The following ZBTB20 variants were observed in gnomAD, a reference collection of about 807,000 sequenced individuals.
The protein encoded by ZBTB20 is zinc finger and BTB domain-containing protein 20.
A neutral mutation model predicts 56.9 loss-of-function variants in ZBTB20; 9 were observed. The ratio of observed to expected loss-of-function variants is 0.16; its 90% confidence interval spans 0.10 to 0.28. ZBTB20 has a LOEUF of 0.28. ZBTB20 is among the 10% of genes least tolerant of loss of function. ZBTB20 has a pLI of 1.00. For synonymous variants in ZBTB20, 417 were observed against 420.7 expected (o/e 0.99, Z 0.11); for missense variants, 655 against 1,003.0 (o/e 0.65, Z 4.69).
chr3:114,727,001 T>C (rs959299045), intron 5 of ZBTB20, among the ~76,000 whole-genome samples: 1 of 147,374 alleles, frequency 6.8e-6, no homozygotes. Context: ...GTTGGACGAC[T>C]ATTTCCTAAA....
At chr3:115,030,468 T>C (rs1425078408) in intron 2 of ZBTB20, among the ~76,000 whole-genome samples, 1 of 151,292 alleles carries the variant, frequency 6.6e-6, no homozygotes, top group Non-Finnish European at 1.5e-5. Flanking sequence ...ATTTTACCTC[T>C]TTCTGCATGC....
In ZBTB20 at chr3:114,538,907, C is replaced by T. The variant is rs535691260; in HGVS notation, c.-294-38516G>A. ...AGTAGCTCCATGACTTGAGCACATG[C>T]CAATGAGATTAGAACTCATCGGGGG... is the stretch of plus-strand genomic sequence containing the variant. On this transcript the variant is annotated intron_variant, in intron 6 of 11. Coordinates refer to ENST00000675478, the MANE Select transcript of ZBTB20 (RefSeq NM_001348800.3). 6.6e-5 allele frequency among the ~76,000 whole-genome samples: 10 copies of T among 152,258 alleles called. No individual in the cohort carries two copies. The East Asian group carries it at 1.9e-3, about 29-fold the overall frequency.
At chr3:114,958,836 G>GT (rs1301515681) in intron 3 of ZBTB20, among the ~76,000 whole-genome samples, 6 of 150,466 alleles carry the variant, frequency 4.0e-5, no homozygotes, top group African/African-American at 1.5e-4. Context: ...GGCCAATAGA[G>GT]TGAGAGTCTG....
chr3:115,121,759 C>T (rs954316916), intron 1 of ZBTB20, among the ~76,000 whole-genome samples: 2 of 151,916 alleles, frequency 1.3e-5, no homozygotes, highest in Non-Finnish European at 2.9e-5. Flanking sequence ...TTCATATAAT[C>T]GCTAACTTAC....
chr3:115,107,112 T>C (rs925180301), intron 1 of ZBTB20, among the ~76,000 whole-genome samples: 3 of 152,232 alleles, frequency 2.0e-5, no homozygotes, highest in Admixed American at 1.3e-4. Context: ...TTGCTGTATG[T>C]TTGAAAGAAT....
At chr3:114,796,383 T>C (rs1256820056) in intron 5 of ZBTB20, among the ~76,000 whole-genome samples, 1 of 151,920 alleles carries the variant, frequency 6.6e-6, no homozygotes, top group African/African-American at 2.4e-5. Context: ...AACTAAGAAA[T>C]GGGATCAGAG....
At chr3:114,466,956 C>A (rs891675208) in intron 7 of ZBTB20, among the ~76,000 whole-genome samples, 21 of 152,152 alleles carry the variant, frequency 1.4e-4, no homozygotes, top group Admixed American at 1.3e-4. Flanking sequence ...CAGCGGTGGA[C>A]ACTGACAAAG....
chr3:114,362,090 G>A (rs1169684166), intron 10 of ZBTB20, among the ~76,000 whole-genome samples: 2 of 152,138 alleles, frequency 1.3e-5, no homozygotes, highest in Admixed American at 6.5e-5. Flanking sequence ...TATTTCTTGC[G>A]AATTTGGTGA....
intron 4 of ZBTB20, among the ~76,000 whole-genome samples, chr3:114,828,837 A>G (rs926116923): frequency 6.6e-6 from 1 of 151,894 alleles, no homozygotes; most frequent in African/African-American, 2.4e-5. Context: ...TCCTTAATTG[A>G]ATTAAGTTTA....
At chr3:115,043,171 TA>T (rs1371414554) in intron 2 of ZBTB20, among the ~76,000 whole-genome samples, 1 of 152,156 alleles carries the variant, frequency 6.6e-6, no homozygotes, top group Admixed American at 6.5e-5. Flanking sequence ...TATTGAACTA[TA>T]AAATTTCTAT....
At chr3:114,438,325 T>G (rs2090662351) in intron 7 of ZBTB20, among the ~76,000 whole-genome samples, 1 of 151,718 alleles carries the variant, frequency 6.6e-6, no homozygotes. Flanking sequence ...AAACATCAAT[T>G]TAATGACTGA....
rs1252706745 is a variant in ZBTB20, at chr3:114,335,770, C to T, written c.*3235G>A. On this transcript the variant is annotated 3_prime_UTR_variant, in exon 12 of 12. Transcript: ENST00000675478. ...TCATGGACTACAATGATTATATCAC[C>T]TCATTAAGAATTCTTTAGGGATCCT... 6.6e-6 allele frequency: 1 copy of T among 152,146 alleles called. No individual in the cohort carries two copies. Among genetic ancestry groups the T allele is most frequent in the Non-Finnish European group, 1.5e-5 (1 of 68,028 alleles). 9.4% of individuals were successfully genotyped at this position (152,146 alleles called of 1,614,324 possible). A position where few individuals can be genotyped will look rare whatever the true frequency, so the allele number is the denominator to read the frequency against.
At chr3:114,483,259 A>G (rs182589982) in intron 7 of ZBTB20, among the ~76,000 whole-genome samples, 1 of 152,198 alleles carries the variant, frequency 6.6e-6, no homozygotes, top group Admixed American at 6.5e-5. Flanking sequence ...TGTCTTCCTC[A>G]TATCTTTCAT....
At chr3:114,986,834 A>C (rs2078566445) in intron 2 of ZBTB20, among the ~76,000 whole-genome samples, 1 of 152,190 alleles carries the variant, frequency 6.6e-6, no homozygotes, top group African/African-American at 2.4e-5. Flanking sequence ...GATACATTAC[A>C]TATTAATTAG....
chr3:114,326,309 G>A lies in ZBTB20; in HGVS notation c.*12696C>T, dbSNP rs2079062308. ...AGTACAAAATGCATGGTCTTCATCT[G>A]CAATCAATAAAAAAATCTATTCTTT... On this transcript the variant is annotated 3_prime_UTR_variant, in exon 12 of 12. Transcript: ENST00000675478. The A allele has an allele frequency of 6.6e-6, 1 of 152,158 alleles. No individual in the cohort carries two copies. The highest frequency in any genetic ancestry group is 1.5e-5 in the Non-Finnish European group (1 of 68,016). The allele number at this position is 152,158 out of a possible 1,614,324, so 9.4% of individuals were successfully genotyped here.
chr3:115,012,790 A>T (rs1347490987), intron 2 of ZBTB20, among the ~76,000 whole-genome samples: 1 of 151,802 alleles, frequency 6.6e-6, no homozygotes, highest in Non-Finnish European at 1.5e-5. Flanking sequence ...CACATAGTTC[A>T]TACTCAAGGA....
chr3:114,937,430 T>TC (rs1381586668), intron 3 of ZBTB20, among the ~76,000 whole-genome samples: 52 of 146,896 alleles, frequency 3.5e-4, no homozygotes, highest in African/African-American at 1.1e-3. Context: ...TTCTTCTTCT[T>TC]TTTTTTTTTT....
chr3:114,848,595 A>G (rs536061398), intron 4 of ZBTB20, among the ~76,000 whole-genome samples: 1 of 152,142 alleles, frequency 6.6e-6, no homozygotes. Flanking sequence ...GTGTCTCTAC[A>G]TGTAGTTGTT....
intron 6 of ZBTB20, among the ~76,000 whole-genome samples, chr3:114,581,131 T>C (rs1473808775): frequency 6.6e-6 from 1 of 151,910 alleles, no homozygotes; most frequent in Non-Finnish European, 1.5e-5. Context: ...ATAAACAGAT[T>C]TGATATAGGC....
Sources: gnomAD v4.1 joint callset for allele counts (sites outside exome capture counted in the v4.1 genomes callset) on GRCh38, gnomAD v4.1.1 for gene constraint, MANE v1.5 for transcripts, NCBI Gene and HGNC (gene_info 2026-07-23, HGNC 2026-07-21) for gene names.